PLXDC2: variants seen among roughly 807,000 people sequenced by gnomAD.
PLXDC2 encodes plexin domain-containing protein 2.
PLXDC2 carries 40 observed loss-of-function variants against 68.9 expected under a neutral mutation model. The ratio of observed to expected loss-of-function variants is 0.58; its 90% CI spans 0.45 to 0.76. The LOEUF (loss-of-function observed/expected upper bound fraction) is 0.76, where lower values mean the gene tolerates loss of function less well. Ranked by LOEUF, PLXDC2 falls within the 30% of genes least tolerant of loss-of-function variation. The pLI is 0.00. For missense variants in PLXDC2, 644 were observed against 661.9 expected (o/e 0.97, Z 0.30); for synonymous variants, 243 against 234.2 (o/e 1.04, Z -0.34).
chr10:19,956,318 A>G (rs925327904), intron 1 of PLXDC2, among the ~76,000 whole-genome samples: 2 of 152,186 alleles, frequency 1.3e-5, no homozygotes, highest in African/African-American at 4.8e-5. Flanking sequence ...AAACAATGTA[A>G]CATATCTCAG....
At chr10:20,207,790 T>G (rs1835012742) in intron 9 of PLXDC2, among the ~76,000 whole-genome samples, 1 of 152,162 alleles carries the variant, frequency 6.6e-6, no homozygotes, top group Admixed American at 6.5e-5. Flanking sequence ...TGATGTTTAC[T>G]CCACACTTAA....
chr10:20,213,379 C>T (rs1412172325), intron 10 of PLXDC2, among the ~76,000 whole-genome samples: 1 of 152,014 alleles, frequency 6.6e-6, no homozygotes, highest in Non-Finnish European at 1.5e-5. Flanking sequence ...CTCTCCTCTT[C>T]TAAAGCTCTG....
chr10:19,937,472 T>C (rs1833742940), intron 1 of PLXDC2, among the ~76,000 whole-genome samples: 1 of 150,304 alleles, frequency 6.7e-6, no homozygotes, highest in South Asian at 2.1e-4. Flanking sequence ...CAGAATGAAT[T>C]GTTCCCTCAT....
intron 1 of PLXDC2, among the ~76,000 whole-genome samples, chr10:19,860,884 C>T (rs7907715): frequency 0.51 from 77,909 of 151,568 alleles, 20,106 homozygotes; most frequent in East Asian, 0.68. Flanking sequence ...TACTCCTACT[C>T]TGTGCAACTA....
In PLXDC2 at chr10:20,082,643, C is replaced by T. The variant is rs1327023261; in HGVS notation, c.541+14404C>T. On this transcript the variant is annotated intron_variant, in intron 4 of 13. Coordinates refer to ENST00000377252, the MANE Select transcript of PLXDC2 (RefSeq NM_032812.9). ...TCAAGCTTTGCTGATGACAATGTAT[C>T]GTTATCCACTAAAATATAAAATGTA... Among the ~76,000 whole-genome samples the T allele has an allele frequency of 3.9e-5, 6 of 152,220 alleles. No homozygotes were observed. In the East Asian group the frequency reaches 1.2e-3, roughly 29 times the overall value.
In PLXDC2 at chr10:20,252,806, G is replaced by A. The variant is rs191371147; in HGVS notation, c.1473+7301G>A. ...ATTCTAAGTTAGGTGTGGATTTCAC[G>A]TTGAATGATTAGTTTTACAAAAGAG... On this transcript the variant is annotated intron_variant, in intron 13 of 13. Coordinates refer to ENST00000377252, the MANE Select transcript of PLXDC2 (RefSeq NM_032812.9). Among the ~76,000 whole-genome samples, 204 of 152,272 alleles carry A rather than the reference G, an allele frequency of 1.3e-3. 2 individuals carry two copies. The highest frequency in any genetic ancestry group is 4.7e-3 in the African/African-American group (194 of 41,558).
intron 1 of PLXDC2, among the ~76,000 whole-genome samples, chr10:19,913,271 C>T (rs1044368522): frequency 2.0e-5 from 3 of 151,946 alleles, no homozygotes; most frequent in Non-Finnish European, 4.4e-5. Flanking sequence ...TCAAGAGATC[C>T]GGGTGTTTAA....
intron 12 of PLXDC2, among the ~76,000 whole-genome samples, chr10:20,230,896 G>A (rs1835356590): frequency 6.7e-6 from 1 of 149,762 alleles, no homozygotes; most frequent in Non-Finnish European, 1.5e-5. Flanking sequence ...TAGACCATAT[G>A]TTGAGTCATA....
chr10:20,075,482 G>T (rs962640269), intron 4 of PLXDC2, among the ~76,000 whole-genome samples: 3 of 152,052 alleles, frequency 2.0e-5, no homozygotes, highest in Non-Finnish European at 4.4e-5. Context: ...GAGACACTGC[G>T]CCAAGCTATG....
At position 19,844,829 on chromosome 10, in the gene PLXDC2, T is replaced by C. The variant is rs564370791; in HGVS notation, c.112+27638T>C. On this transcript the variant is annotated intron_variant, in intron 1 of 13. Transcript: ENST00000377252. ...TATGTTGTCCAGGCTGGTCTTGAAC[T>C]CCTGAGCTCTGGCCTTGGCCTCCCA... Among the ~76,000 whole-genome samples, 1,142 of 152,208 alleles carry C rather than the reference T, an allele frequency of 7.5e-3. 17 individuals are homozygous for C. Among genetic ancestry groups the C allele is most frequent in the African/African-American group, 0.026 (1,084 of 41,552 alleles).
At chr10:20,072,150 G>C (rs9663749) in intron 4 of PLXDC2, among the ~76,000 whole-genome samples, 6 of 151,398 alleles carry the variant, frequency 4.0e-5, no homozygotes, top group African/African-American at 1.5e-4. Flanking sequence ...AGTTTGGATC[G>C]CCTGAGGTCC....
intron 1 of PLXDC2, among the ~76,000 whole-genome samples, chr10:19,887,287 G>A (rs555875874): frequency 6.6e-6 from 1 of 152,256 alleles, no homozygotes; most frequent in Non-Finnish European, 1.5e-5. Context: ...TTGGGAGGCC[G>A]AGGCAGGTGG....
At chr10:19,828,341 CT>C (rs1836614404) in intron 1 of PLXDC2, among the ~76,000 whole-genome samples, 1 of 152,190 alleles carries the variant, frequency 6.6e-6, no homozygotes, top group South Asian at 2.1e-4. Flanking sequence ...GTTGCTACCC[CT>C]CCATAGACAA....
At chr10:19,982,571 G>A (rs77651745) in intron 1 of PLXDC2, among the ~76,000 whole-genome samples, 16,136 of 152,108 alleles carry the variant, frequency 0.11, 965 homozygotes, top group East Asian at 0.25. Flanking sequence ...ATACAGGATC[G>A]GTAGGTGATA....
At chr10:20,050,278 A>G (rs1275317632) in intron 3 of PLXDC2, among the ~76,000 whole-genome samples, 1 of 152,180 alleles carries the variant, frequency 6.6e-6, no homozygotes, top group Non-Finnish European at 1.5e-5. Context: ...AACCTAGGCA[A>G]TACCATTCTG....
chr10:20,018,579 A>G (rs930611401), intron 2 of PLXDC2, among the ~76,000 whole-genome samples: 44 of 152,342 alleles, frequency 2.9e-4, no homozygotes, highest in Non-Finnish European at 4.4e-5. Context: ...CTGCCTGCTT[A>G]TAAGCGGTTT....
At chr10:20,048,087 T>A (rs1415520160) in intron 3 of PLXDC2, among the ~76,000 whole-genome samples, 2 of 152,174 alleles carry the variant, frequency 1.3e-5, no homozygotes, top group African/African-American at 2.4e-5. Flanking sequence ...ACGTTTCAAG[T>A]GCTTTTGTCA....
At chr10:20,104,848 C>T (rs1490955688) in intron 4 of PLXDC2, among the ~76,000 whole-genome samples, 3 of 151,908 alleles carry the variant, frequency 2.0e-5, no homozygotes, top group African/African-American at 2.4e-5. Flanking sequence ...GTCAGGAGAT[C>T]GAGACCATCC....
At chr10:19,873,274 A>G (rs1392010102) in intron 1 of PLXDC2, among the ~76,000 whole-genome samples, 1 of 152,112 alleles carries the variant, frequency 6.6e-6, no homozygotes, top group East Asian at 1.9e-4. Context: ...TGCTTATTGG[A>G]TGGCACACTC....
Sources: gnomAD v4.1 joint callset for allele counts (sites outside exome capture counted in the v4.1 genomes callset) on GRCh38, gnomAD v4.1.1 for gene constraint, MANE v1.5 for transcripts, NCBI Gene and HGNC (gene_info 2026-07-23, HGNC 2026-07-21) for gene names.